ABCC1: variants seen among roughly 807,000 people sequenced by gnomAD.
ABCC1 encodes multidrug resistance-associated protein 1.
In ABCC1, 83 loss-of-function variants were observed where a neutral mutation model predicts 172.9. The observed-to-expected ratio is 0.48, with a 90% CI of 0.40 to 0.58. The LOEUF (loss-of-function observed/expected upper bound fraction) is 0.58. ABCC1 is among the 20% of genes least tolerant of loss of function. ABCC1 has a pLI of 0.00. For missense variants in ABCC1, 1,817 were observed against 2,002.7 expected (o/e 0.91, Z 1.77); for synonymous variants, 937 against 825.2 (o/e 1.14, Z -2.32).
At chr16:16,026,971 C>G (rs1167866446) in intron 5 of ABCC1, among the ~76,000 whole-genome samples, 1 of 152,094 alleles carries the variant, frequency 6.6e-6, no homozygotes, top group Admixed American at 6.5e-5. Flanking sequence ...GTCCTTGTTG[C>G]ATTTGCAGGG....
At chr16:16,006,871 C>CAGTGGCGGTGGCGGTGGCGGTGGT (rs1555480300) in intron 1 of ABCC1, among the ~76,000 whole-genome samples, 16 of 148,030 alleles carry the variant, frequency 1.1e-4, no homozygotes, top group Non-Finnish European at 2.2e-4. Flanking sequence ...GTGGCGGTGG[C>CAGTGGCGGTGGCGGTGGCGGTGGT]GGTGGCGGTG....
chr16:16,024,498 C>T (rs1053541374), intron 5 of ABCC1, among the ~76,000 whole-genome samples: 11 of 152,204 alleles, frequency 7.2e-5, no homozygotes, highest in Admixed American at 2.6e-4. Context: ...ACCATAGTTG[C>T]GTGCCACCAC....
intron 9 of ABCC1, 93 bp downstream of exon 9, chr16:16,046,106 C>G: frequency 7.1e-7 from 1 of 1,413,636 alleles, no homozygotes; most frequent in Non-Finnish European, 9.6e-7. Context: ...GGATTTCCAG[C>G]CCAGCTTCTG....
At chr16:16,036,635 C>A (rs2048770357) in intron 7 of ABCC1, 32 bp downstream of exon 7, 1 of 1,607,208 alleles carries the variant, frequency 6.2e-7, no homozygotes, top group Non-Finnish European at 8.5e-7. Context: ...CTCCAGGATG[C>A]CCTGGTCACC....
At chr16:16,084,345 C>T (rs199552239) in intron 17 of ABCC1, among the ~76,000 whole-genome samples, 4 of 129,178 alleles carry the variant, frequency 3.1e-5, no homozygotes, top group African/African-American at 8.8e-5. Context: ...TCAAGTGATC[C>T]GCTGGCCTCA....
intron 5 of ABCC1, among the ~76,000 whole-genome samples, chr16:16,024,864 C>T (rs1193885025): frequency 6.6e-6 from 1 of 152,112 alleles, no homozygotes; most frequent in East Asian, 1.9e-4. Context: ...GGATATTCCC[C>T]TGTGCCCACT....
Position 16,114,885 on chromosome 16 carries a change from A to G in ABCC1, c.3199A>G (p.Thr1067Ala). The G allele has an allele frequency of 1.9e-6, 3 of 1,613,872 alleles. No individual in the cohort carries two copies. The highest frequency in any genetic ancestry group is 2.5e-6 in the Non-Finnish European group (3 of 1,179,904). ...LRSPMSFFER[T>A]PSGNLVNRFS... Reference sequence around the variant, plus strand: ...GTCACCCATGAGCTTCTTTGAGCGGACCCCCAGTGGGAACCTGGTGAACCG... The same window carrying G: ...GTCACCCATGAGCTTCTTTGAGCGGGCCCCCAGTGGGAACCTGGTGAACCG... Residue 1067 changes from threonine (T) to alanine (A), a missense_variant, in exon 23 of 31, where the codon ACC becomes GCC. Thr to Ala is a moderately conservative substitution (Grantham distance 58). Around this residue, in one of 3 missense-constraint regions of ABCC1, gnomAD observed 1,412 missense variants for 1,600.3 expected, o/e 0.88. Transcript: ENST00000399410.
At chr16:16,040,343 A>G (rs544619775) in intron 7 of ABCC1, among the ~76,000 whole-genome samples, 9 of 151,956 alleles carry the variant, frequency 5.9e-5, no homozygotes, top group South Asian at 2.1e-4. Flanking sequence ...GCTGGAGTGC[A>G]GTGGTGCTGT....
intron 19 of ABCC1, among the ~76,000 whole-genome samples, chr16:16,092,040 C>A (rs773296684): frequency 4.6e-5 from 7 of 152,154 alleles, no homozygotes; most frequent in African/African-American, 1.2e-4. Context: ...GAGTTGGAGA[C>A]CAGCCTGGCC....
At chr16:16,102,796 C>T in intron 20 of ABCC1, 79 bp downstream of exon 20, 1 of 1,389,442 alleles carries the variant, frequency 7.2e-7, no homozygotes, top group Non-Finnish European at 9.9e-7. Context: ...AAAAAAAGGC[C>T]TCAGCCCCCT....
chr16:15,963,161 T>C (rs977427466), intron 1 of ABCC1, among the ~76,000 whole-genome samples: 6 of 152,238 alleles, frequency 3.9e-5, no homozygotes, highest in African/African-American at 1.4e-4. Flanking sequence ...CATAAAACTT[T>C]CAAGTTCCAT....
At chr16:16,099,838 C>T (rs1279875172) in intron 19 of ABCC1, among the ~76,000 whole-genome samples, 1 of 152,200 alleles carries the variant, frequency 6.6e-6, no homozygotes, top group Non-Finnish European at 1.5e-5. Flanking sequence ...AATCCCAGCA[C>T]TCTGGGAGGC....
chr16:15,960,511 A>G (rs2046103436), intron 1 of ABCC1, among the ~76,000 whole-genome samples: 1 of 152,228 alleles, frequency 6.6e-6, no homozygotes, highest in Non-Finnish European at 1.5e-5. Flanking sequence ...AACAGTGAAC[A>G]GGACAGACCA....
chr16:15,997,983 TA>T lies in ABCC1; in HGVS notation c.49-9832del, dbSNP rs199897431. ...CATTTGCCACCATGGCTGGCTAATGTATTTTTTTTTTCTTTTTCAGTAGAGA... is the reference window on the plus strand; with the variant it reads ...CATTTGCCACCATGGCTGGCTAATGTTTTTTTTTTTCTTTTTCAGTAGAGA... On this transcript the variant is annotated intron_variant, in intron 1 of 30. Transcript: ENST00000399410. 3.5e-3 allele frequency among the ~76,000 whole-genome samples: 508 copies of T among 145,762 alleles called. 4 individuals are homozygous for T. Among genetic ancestry groups the T allele is most frequent in the African/African-American group, 0.012 (477 of 40,140 alleles).
At chr16:16,122,929 T>G (rs1334242229) in intron 24 of ABCC1, among the ~76,000 whole-genome samples, 1 of 152,108 alleles carries the variant, frequency 6.6e-6, no homozygotes, top group Non-Finnish European at 1.5e-5. Flanking sequence ...TGACATCTTG[T>G]GGATCACAGA....
intron 21 of ABCC1, among the ~76,000 whole-genome samples, chr16:16,110,353 G>C (rs1053477293): frequency 4.6e-5 from 7 of 151,914 alleles, no homozygotes; most frequent in Non-Finnish European, 8.8e-5. Flanking sequence ...CAAAGTGCTG[G>C]GATTACAGGT....
At chr16:16,029,832 A>G (rs1254473896) in intron 5 of ABCC1, among the ~76,000 whole-genome samples, 1 of 152,194 alleles carries the variant, frequency 6.6e-6, no homozygotes, top group Non-Finnish European at 1.5e-5. Context: ...CCTGATCAAT[A>G]TAGGTAGACC....
At chr16:16,125,690 C>T in intron 25 of ABCC1, 120 bp from the exon 26 acceptor site, 2 of 692,566 alleles carry the variant, frequency 2.9e-6, no homozygotes, top group Non-Finnish European at 4.8e-6. Context: ...GCCTCAGCCT[C>T]CCATAATTCA....
chr16:16,116,487 G>T (rs2044874603), intron 23 of ABCC1, among the ~76,000 whole-genome samples: 2 of 152,014 alleles, frequency 1.3e-5, no homozygotes, highest in Admixed American at 1.3e-4. Context: ...ATTAATAGCA[G>T]TAATTTATAA....
Sources: allele counts gnomAD v4.1 joint callset (sites outside exome capture counted in the v4.1 genomes callset), GRCh38; gene constraint gnomAD v4.1.1; regional missense constraint gnomAD v4.1.1; transcripts MANE v1.5; gene names NCBI Gene and HGNC (gene_info 2026-07-23, HGNC 2026-07-21).